Variants in DAG1 observed in about 807,000 individuals in gnomAD.
The protein encoded by DAG1 is dystroglycan 1, also known as dystroglycan 1 (dystrophin-associated glycoprotein 1).
Under a neutral mutation model 46.1 loss-of-function variants are expected in DAG1, and 8 were observed. That is an observed-to-expected ratio of 0.17 (90% CI 0.10 to 0.31). The LOEUF is 0.31. DAG1 is among the 10% of genes least tolerant of loss of function. The pLI, the probability that DAG1 is intolerant of heterozygous loss-of-function variation, is 1.00. For synonymous variants in DAG1, 495 were observed against 481.8 expected (o/e 1.03, Z -0.36); for missense variants, 1,003 against 1,189.9 (o/e 0.84, Z 2.31).
chr3:49,494,759 C>T (rs2050268457), intron 1 of DAG1, among the ~76,000 whole-genome samples: 3 of 150,578 alleles, frequency 2.0e-5, no homozygotes, highest in Non-Finnish European at 2.9e-5. Context: ...CTCAGCTTCC[C>T]GAGTAGCTGG....
intron 1 of DAG1, among the ~76,000 whole-genome samples, chr3:49,503,420 G>A (rs2050510166): frequency 6.6e-6 from 1 of 152,058 alleles, no homozygotes; most frequent in African/African-American, 2.4e-5. Context: ...CATTTTTATT[G>A]TTTTAGGTTG....
chr3:49,484,277 C>T (rs2107148534), intron 1 of DAG1, among the ~76,000 whole-genome samples: 1 of 152,176 alleles, frequency 6.6e-6, no homozygotes, highest in Non-Finnish European at 1.5e-5. Context: ...TAGAAAGTGA[C>T]CAGATTCTTT....
Position 49,510,530 on chromosome 3 carries a change from C to G in DAG1, c.-5C>G, listed in dbSNP as rs755168020. The G allele has an allele frequency of 1.9e-6, 3 of 1,612,734 alleles. No individual in the cohort carries two copies. The highest frequency in any genetic ancestry group is 2.5e-6 in the Non-Finnish European group (3 of 1,179,962). On this transcript the variant is annotated 5_prime_UTR_variant, in exon 2 of 3. Coordinates refer to ENST00000308775, the MANE Select transcript of DAG1 (RefSeq NM_004393.6). Reference sequence around the variant, plus strand: ...ACTATCGACTTGAGCAAACTTGGACCTGGGATGAGGATGTCTGTGGGCCTC... The same window carrying G: ...ACTATCGACTTGAGCAAACTTGGACGTGGGATGAGGATGTCTGTGGGCCTC...
intron 1 of DAG1, among the ~76,000 whole-genome samples, chr3:49,476,426 C>G (rs1022251042): frequency 1.3e-5 from 2 of 151,888 alleles, no homozygotes; most frequent in Admixed American, 6.6e-5. Flanking sequence ...CCCTTCTTTA[C>G]TAAAAAATAC....
At chr3:49,525,248 G>C (rs2107818148) in intron 2 of DAG1, among the ~76,000 whole-genome samples, 1 of 152,334 alleles carries the variant, frequency 6.6e-6, no homozygotes, top group South Asian at 2.1e-4. Flanking sequence ...CCTGCAGCCA[G>C]GTAGTGGCCG....
intron 2 of DAG1, among the ~76,000 whole-genome samples, chr3:49,512,622 T>C (rs1199577909): frequency 6.6e-6 from 1 of 151,020 alleles, no homozygotes; most frequent in Non-Finnish European, 1.5e-5. Context: ...AAACTCCTTA[T>C]CTCGGGTGAT....
At chr3:49,470,650 T>A (rs1176122769) in intron 1 of DAG1, 1 of 152,130 alleles carries the variant, frequency 6.6e-6, no homozygotes, top group African/African-American at 2.4e-5. Context: ...AGCGTTCGGC[T>A]GCAAGGCCCG....
chr3:49,512,742 C>T (rs780995369), intron 2 of DAG1, among the ~76,000 whole-genome samples: 1 of 150,418 alleles, frequency 6.6e-6, no homozygotes, highest in East Asian at 2.0e-4. Flanking sequence ...CTGAGGGAGG[C>T]AGATTGCTTG....
chr3:49,531,997 C>A lies in DAG1; in HGVS notation c.1486C>A (p.Arg496Ser). The A allele has an allele frequency of 6.2e-7, 1 of 1,614,208 alleles. No individual in the cohort carries two copies. The highest frequency in any genetic ancestry group is 8.5e-7 in the Non-Finnish European group (1 of 1,180,034). The change falls in exon 3 of 3, where the codon CGC becomes AGC. Residue 496 changes from arginine to serine, a missense_variant. Transcript: ENST00000308775. This position sits in a 1 kb window ranked among gnomAD's most constrained non-coding sequence, Gnocchi z 7.0. ...GCCCCGTGGCGGAGAACCCAACCAG[C>A]GCCCAGAGCTCAAGAACCATATTGA... Reference protein sequence around the residue: ...GVPRGGEPNQRPELKNHIDRV... With the variant: ...GVPRGGEPNQSPELKNHIDRV...
chr3:49,515,590 T>A (rs935859645), intron 2 of DAG1, among the ~76,000 whole-genome samples: 1 of 151,984 alleles, frequency 6.6e-6, no homozygotes, highest in African/African-American at 2.4e-5. Context: ...CTCACTTTGT[T>A]GCCCAGGCCG....
chr3:49,533,055 A>C lies in DAG1; in HGVS notation c.2544A>C (p.Gly848=). Residue 848 remains glycine (G), a synonymous_variant, in exon 3 of 3, where the codon GGA becomes GGC. Transcript: ENST00000308775. ...ETTPLNQDTM[G]EYTPLRDEDP... ...CTCCTCTGAACCAGGACACCATGGG[A>C]GAGTACACGCCCCTGCGGGATGAGG... is the stretch of plus-strand genomic sequence containing the variant. 6.2e-7 allele frequency: 1 copy of C among 1,614,068 alleles called. No homozygotes were observed. The highest frequency in any genetic ancestry group is 2.2e-5 in the East Asian group (1 of 44,864).
chr3:49,490,389 A>G (rs575645389), intron 1 of DAG1, among the ~76,000 whole-genome samples: 36 of 151,302 alleles, frequency 2.4e-4, no homozygotes, highest in Non-Finnish European at 4.6e-4. Context: ...TATAACTTTA[A>G]ATTTACAGAA....
At chr3:49,484,541 C>T (rs4855864) in intron 1 of DAG1, among the ~76,000 whole-genome samples, 66,574 of 151,898 alleles carry the variant, frequency 0.44, 15,902 homozygotes, top group East Asian at 0.93. Flanking sequence ...AAAATGGCTC[C>T]GTATGCTTTC....
chr3:49,527,639 C>T (rs1575406496), intron 2 of DAG1, among the ~76,000 whole-genome samples: 1 of 152,160 alleles, frequency 6.6e-6, no homozygotes, highest in East Asian at 1.9e-4. Flanking sequence ...GGAGGCGGAG[C>T]TTGCAGTGAG....
chr3:49,527,242 T>A (rs1006432902), intron 2 of DAG1, among the ~76,000 whole-genome samples: 12 of 150,628 alleles, frequency 8.0e-5, no homozygotes, highest in African/African-American at 3.0e-4. Flanking sequence ...ATACGAAAAA[T>A]TGCCGGGCGC....
intron 2 of DAG1, among the ~76,000 whole-genome samples, chr3:49,522,395 G>A (rs1042021677): frequency 1.3e-5 from 2 of 151,834 alleles, no homozygotes; most frequent in African/African-American, 2.4e-5. Flanking sequence ...TTGAACTCCT[G>A]ACCTCGTGAT....
chr3:49,533,334 G>T lies in DAG1; in HGVS notation c.*135G>T, dbSNP rs751477157. On this transcript the variant is annotated 3_prime_UTR_variant, in exon 3 of 3. Coordinates refer to ENST00000308775, the MANE Select transcript of DAG1 (RefSeq NM_004393.6). ...TGACCTAGCACACACTGACACAGGG[G>T]CCTGGACAAGCCCGCCCTCTCTGGT... 2.3e-6 allele frequency: 3 copies of T among 1,323,248 alleles called. No individual in the cohort carries two copies. In the East Asian group the frequency reaches 7.5e-5, roughly 33 times the overall value. The allele number at this position is 1,323,248 out of a possible 1,614,324, so 82.0% of individuals were successfully genotyped here.
In DAG1 at chr3:49,532,260, G is replaced by A; in HGVS notation, c.1749G>A (p.Gly583=). The A allele has an allele frequency of 6.2e-7, 1 of 1,613,974 alleles. No individual in the cohort carries two copies. Among genetic ancestry groups the A allele is most frequent in the Non-Finnish European group, 8.5e-7 (1 of 1,179,854 alleles). The change falls in exon 3 of 3, where the codon GGG becomes GGA. Residue 583 remains glycine, a synonymous_variant. Transcript: ENST00000308775. The surrounding 1 kb of genome is among the most constrained non-coding windows in gnomAD (Gnocchi z 5.4). The part of the protein sequence containing the change: ...HEYFMHATDK[G]GLSAVDAFEI... ...ATTTCATGCATGCCACAGACAAGGGGGGCCTGTCGGCTGTGGATGCCTTCG... is the reference window on the plus strand; with the variant it reads ...ATTTCATGCATGCCACAGACAAGGGAGGCCTGTCGGCTGTGGATGCCTTCG...
chr3:49,483,557 A>G (rs973243026), intron 1 of DAG1, among the ~76,000 whole-genome samples: 1 of 152,012 alleles, frequency 6.6e-6, no homozygotes, highest in African/African-American at 2.4e-5. Flanking sequence ...GTTGCCGTCT[A>G]GGATTTTTTA....
Sources: gnomAD v4.1 joint callset for allele counts (sites outside exome capture counted in the v4.1 genomes callset) on GRCh38, gnomAD v4.1.1 for gene constraint, Gnocchi (gnomAD v3.1) non-coding constraint, MANE v1.5 for transcripts, NCBI Gene and HGNC (gene_info 2026-07-23, HGNC 2026-07-21) for gene names.